The following GRIN2B variants were observed in gnomAD, a reference collection of about 807,000 sequenced individuals.
The protein encoded by GRIN2B is glutamate receptor ionotropic, NMDA 2B.
GRIN2B carries 5 observed loss-of-function variants against 114.5 expected under a neutral mutation model. That is an observed-to-expected ratio of 0.04 (90% CI 0.02 to 0.09). The LOEUF (loss-of-function observed/expected upper bound fraction) is 0.09. GRIN2B is among the 10% of genes least tolerant of loss of function. GRIN2B has a pLI of 1.00. For missense variants in GRIN2B, 1,108 were observed against 1,943.5 expected (o/e 0.57, Z 8.08); for synonymous variants, 787 against 745.1 (o/e 1.06, Z -0.92).
At chr12:13,828,987 T>C (rs1041425929) in intron 3 of GRIN2B, among the ~76,000 whole-genome samples, 1 of 152,196 alleles carries the variant, frequency 6.6e-6, no homozygotes, top group Non-Finnish European at 1.5e-5. Flanking sequence ...CACTATATTC[T>C]AGCCACATTT....
intron 10 of GRIN2B, among the ~76,000 whole-genome samples, chr12:13,576,964 A>G (rs1350041354): frequency 6.6e-6 from 1 of 152,194 alleles, no homozygotes; most frequent in Non-Finnish European, 1.5e-5. Context: ...TAGGAAAATA[A>G]CACAGACAGG....
intron 5 of GRIN2B, among the ~76,000 whole-genome samples, chr12:13,649,160 A>C (rs1453848657): frequency 6.6e-6 from 1 of 152,188 alleles, no homozygotes; most frequent in African/African-American, 2.4e-5. Context: ...AAGCAAGATA[A>C]TGTATGTGAA....
intron 4 of GRIN2B, among the ~76,000 whole-genome samples, chr12:13,690,520 A>G (rs1290131798): frequency 6.6e-6 from 1 of 152,156 alleles, no homozygotes; most frequent in Non-Finnish European, 1.5e-5. Context: ...GAATGAGATG[A>G]AAGTTTGGAT....
intron 5 of GRIN2B, among the ~76,000 whole-genome samples, chr12:13,636,950 A>G (rs1029521449): frequency 3.9e-5 from 6 of 152,174 alleles, no homozygotes; most frequent in Non-Finnish European, 7.4e-5. Flanking sequence ...CTCAATAAAT[A>G]TTGCCTAAAA....
chr12:13,815,523 G>A (rs1370445189), intron 3 of GRIN2B, among the ~76,000 whole-genome samples: 1 of 152,304 alleles, frequency 6.6e-6, no homozygotes, highest in East Asian at 1.9e-4. Flanking sequence ...GGAATCATTA[G>A]AGATGGGAGA....
At chr12:13,710,847 G>T (rs1950407424) in intron 4 of GRIN2B, among the ~76,000 whole-genome samples, 1 of 152,058 alleles carries the variant, frequency 6.6e-6, no homozygotes, top group Admixed American at 6.6e-5. Flanking sequence ...AGCTACCAAT[G>T]ACTTTCTTCA....
chr12:13,738,427 T>C (rs1026536077), intron 4 of GRIN2B, among the ~76,000 whole-genome samples: 1 of 152,210 alleles, frequency 6.6e-6, no homozygotes, highest in Non-Finnish European at 1.5e-5. Context: ...GTCAAATTTG[T>C]TTTGATGCTC....
At chr12:13,749,732 T>C (rs536245705) in intron 4 of GRIN2B, among the ~76,000 whole-genome samples, 1 of 152,272 alleles carries the variant, frequency 6.6e-6, no homozygotes, top group South Asian at 2.1e-4. Flanking sequence ...ATGTGCCTAA[T>C]TGATTCCACT....
Position 13,556,035 on chromosome 12 carries a change from C to T in GRIN2B, c.*6748G>A, listed in dbSNP as rs1346181763. The T allele has an allele frequency of 6.6e-6, 1 of 151,946 alleles. No individual in the cohort carries two copies. The highest frequency in any genetic ancestry group is 1.5e-5 in the Non-Finnish European group (1 of 68,014). 9.4% of individuals were successfully genotyped at this position (151,946 alleles called of 1,614,324 possible). ...AATGTGGGTAAATACAGGGTTAGAC[C>T]AAAGAGGGAATTCAATGAGGCCTGA... On this transcript the variant is annotated 3_prime_UTR_variant, in exon 14 of 14. Coordinates refer to ENST00000609686, the MANE Select transcript of GRIN2B (RefSeq NM_000834.5).
At chr12:13,788,033 CT>C (rs1864248116) in intron 3 of GRIN2B, among the ~76,000 whole-genome samples, 1 of 152,168 alleles carries the variant, frequency 6.6e-6, no homozygotes, top group Non-Finnish European at 1.5e-5. Flanking sequence ...ACCTTAAGAC[CT>C]TTTGGGACTG....
intron 4 of GRIN2B, among the ~76,000 whole-genome samples, chr12:13,733,647 T>C (rs1463596708): frequency 6.6e-6 from 1 of 152,154 alleles, no homozygotes; most frequent in Non-Finnish European, 1.5e-5. Context: ...GCTCTTAATC[T>C]TCACTCCCCC....
intron 4 of GRIN2B, among the ~76,000 whole-genome samples, chr12:13,688,335 T>C (rs1026573152): frequency 1.3e-5 from 2 of 152,172 alleles, no homozygotes; most frequent in African/African-American, 4.8e-5. Flanking sequence ...TGTTTTAAAT[T>C]GTCCCTGATG....
intron 2 of GRIN2B, among the ~76,000 whole-genome samples, chr12:13,871,621 C>A (rs1027529653): frequency 6.6e-6 from 1 of 150,380 alleles, no homozygotes; most frequent in Non-Finnish European, 1.5e-5. Flanking sequence ...ACAGTCAACC[C>A]TAATAAACAA....
At chr12:13,980,843 T>TGCACA (rs1863120265) in intron 1 of GRIN2B, among the ~76,000 whole-genome samples, 1 of 152,168 alleles carries the variant, frequency 6.6e-6, no homozygotes, top group African/African-American at 2.4e-5. Context: ...CTGAATGGGT[T>TGCACA]CTGATTGTGC....
At chr12:13,675,136 C>CTAT (rs1322109697) in intron 5 of GRIN2B, among the ~76,000 whole-genome samples, 2 of 152,050 alleles carry the variant, frequency 1.3e-5, no homozygotes, top group Non-Finnish European at 2.9e-5. Context: ...CCTGTTGGTA[C>CTAT]TATTATTATT....
chr12:13,685,902 C>A (rs1019392405), intron 4 of GRIN2B, among the ~76,000 whole-genome samples: 14 of 152,050 alleles, frequency 9.2e-5, no homozygotes, highest in Non-Finnish European at 1.9e-4. Flanking sequence ...GCTTTCTGGG[C>A]TACAGTTCAG....
intron 2 of GRIN2B, among the ~76,000 whole-genome samples, chr12:13,923,221 T>C (rs913630363): frequency 6.6e-6 from 1 of 152,210 alleles, no homozygotes; most frequent in Admixed American, 6.5e-5. Context: ...TCTCAAAATA[T>C]TTTTCAGACA....
At chr12:13,866,901 A>G (rs570309713) in intron 2 of GRIN2B, among the ~76,000 whole-genome samples, 49 of 152,310 alleles carry the variant, frequency 3.2e-4, no homozygotes, top group African/African-American at 1.1e-3. Flanking sequence ...CATTATTATC[A>G]CCATTTTTAT....
At chr12:13,950,404 A>G (rs1192196101) in intron 2 of GRIN2B, among the ~76,000 whole-genome samples, 1 of 152,164 alleles carries the variant, frequency 6.6e-6, no homozygotes, top group African/African-American at 2.4e-5. Context: ...GGGCTACACA[A>G]CCTAAGGCAA....
Sources: allele counts gnomAD v4.1 joint callset (sites outside exome capture counted in the v4.1 genomes callset), GRCh38; gene constraint gnomAD v4.1.1; transcripts MANE v1.5; gene names NCBI Gene and HGNC (gene_info 2026-07-23, HGNC 2026-07-21).